The following EFNA5 variants were observed in gnomAD, a reference collection of about 807,000 sequenced individuals.
EFNA5 encodes the protein ephrin-A5.
A neutral mutation model predicts 22.9 loss-of-function variants in EFNA5; 5 were observed. That is an observed-to-expected ratio of 0.22 (90% confidence interval 0.11 to 0.46). EFNA5 has a LOEUF of 0.46. Among genes scored for constraint, EFNA5 ranks in the 20% least tolerant of loss-of-function variants. EFNA5 has a pLI of 0.99. For missense variants in EFNA5, 237 were observed against 293.3 expected (o/e 0.81, Z 1.40); for synonymous variants, 113 against 112.2 (o/e 1.01, Z -0.04).
chr5:107,509,272 A>C (rs1747314542), intron 1 of EFNA5, among the ~76,000 whole-genome samples: 1 of 151,986 alleles, frequency 6.6e-6, no homozygotes, highest in African/African-American at 2.4e-5. Flanking sequence ...ATCTGAAAGA[A>C]CCAACACAAA....
intron 1 of EFNA5, among the ~76,000 whole-genome samples, chr5:107,525,483 A>G (rs1402374591): frequency 2.0e-5 from 3 of 152,192 alleles, no homozygotes; most frequent in African/African-American, 7.2e-5. Context: ...TTAAACCTTA[A>G]ATACTAATAG....
At chr5:107,432,969 C>T (rs959749906) in intron 1 of EFNA5, among the ~76,000 whole-genome samples, 3 of 152,112 alleles carry the variant, frequency 2.0e-5, no homozygotes, top group African/African-American at 7.2e-5. Flanking sequence ...ATTTTCTCTT[C>T]CTTATGATTT....
intron 1 of EFNA5, among the ~76,000 whole-genome samples, chr5:107,648,729 T>C (rs985699251): frequency 3.9e-5 from 6 of 152,136 alleles, no homozygotes; most frequent in African/African-American, 1.4e-4. Flanking sequence ...TATTACTGAC[T>C]AATTGTAACT....
In EFNA5 at chr5:107,399,318, CGG is replaced by C. The variant is rs1748020339; in HGVS notation, c.419-11549_419-11548del. On this transcript the variant is annotated intron_variant, in intron 2 of 4. Transcript: ENST00000333274. ...AGAAGGAAGGAAGGAAGGAAGGAAA[CGG>C]AAAGGAAAGGAAAGGAAAGGAAAGG... Among the ~76,000 whole-genome samples, 8 of 94,640 alleles carry C rather than the reference CGG, an allele frequency of 8.5e-5. No homozygotes were observed. In the East Asian group the frequency reaches 1.6e-3, roughly 19 times the overall value. The allele number at this position is 94,640 out of a possible 152,430, so 62.1% of individuals were successfully genotyped here. A position where few individuals can be genotyped will look rare whatever the true frequency, so the allele number is the denominator to read the frequency against.
chr5:107,605,779 C>T (rs1426360555), intron 1 of EFNA5, among the ~76,000 whole-genome samples: 1 of 152,172 alleles, frequency 6.6e-6, no homozygotes, highest in Non-Finnish European at 1.5e-5. Context: ...TCCCTGCCTG[C>T]CCCAACCTCT....
intron 1 of EFNA5, among the ~76,000 whole-genome samples, chr5:107,597,359 G>C (rs1435400939): frequency 6.6e-6 from 1 of 152,088 alleles, no homozygotes. Flanking sequence ...TCCAATGTAA[G>C]CTTCCACTCA....
chr5:107,389,479 T>C (rs1447042648), intron 2 of EFNA5, among the ~76,000 whole-genome samples: 1 of 152,242 alleles, frequency 6.6e-6, no homozygotes. Context: ...GTTCAATGAA[T>C]TTCTGAGCTG....
chr5:107,575,766 G>A (rs1228181389), intron 1 of EFNA5, among the ~76,000 whole-genome samples: 1 of 152,106 alleles, frequency 6.6e-6, no homozygotes, highest in South Asian at 2.1e-4. Flanking sequence ...AAGGTATCAG[G>A]GAGAAAGAGA....
intron 1 of EFNA5, among the ~76,000 whole-genome samples, chr5:107,549,780 G>C (rs1016855473): frequency 2.0e-5 from 3 of 152,258 alleles, no homozygotes; most frequent in Non-Finnish European, 4.4e-5. Flanking sequence ...CCTGGGATCA[G>C]GCATTGCTGC....
chr5:107,440,624 T>C (rs1252545951), intron 1 of EFNA5, among the ~76,000 whole-genome samples: 1 of 152,170 alleles, frequency 6.6e-6, no homozygotes, highest in Non-Finnish European at 1.5e-5. Context: ...ACAACTTACT[T>C]TCTTCAGTAC....
chr5:107,588,250 C>T (rs1461761751), intron 1 of EFNA5, among the ~76,000 whole-genome samples: 1 of 151,648 alleles, frequency 6.6e-6, no homozygotes, highest in African/African-American at 2.4e-5. Context: ...AAAAAAGCAA[C>T]AGAGATAGAC....
intron 1 of EFNA5, among the ~76,000 whole-genome samples, chr5:107,629,946 C>T (rs1580569369): frequency 6.6e-6 from 1 of 151,914 alleles, no homozygotes; most frequent in Non-Finnish European, 1.5e-5. Flanking sequence ...ATCCCCGCTA[C>T]CAGGGAGGCT....
At chr5:107,629,055 G>C (rs1252407603) in intron 1 of EFNA5, among the ~76,000 whole-genome samples, 1 of 152,016 alleles carries the variant, frequency 6.6e-6, no homozygotes, top group Non-Finnish European at 1.5e-5. Context: ...AGGAAAGAAT[G>C]TTCAAAGGCA....
At chr5:107,440,401 G>T (rs1474511580) in intron 1 of EFNA5, among the ~76,000 whole-genome samples, 1 of 152,122 alleles carries the variant, frequency 6.6e-6, no homozygotes, top group Non-Finnish European at 1.5e-5. Context: ...CCTTGGAAAA[G>T]AACTATAGTT....
chr5:107,670,458 A>G (rs1751169326), intron 1 of EFNA5, 31 bp downstream of exon 1: 11 of 1,541,732 alleles, frequency 7.1e-6, no homozygotes, highest in Non-Finnish European at 8.8e-6. Flanking sequence ...AGGCCCGGGT[A>G]GCCCTGGCTC....
At chr5:107,412,188 G>A (rs1196705212) in intron 2 of EFNA5, among the ~76,000 whole-genome samples, 1 of 152,188 alleles carries the variant, frequency 6.6e-6, no homozygotes, top group East Asian at 1.9e-4. Context: ...ACCTGTTTCT[G>A]ATGGTAGAAA....
intron 1 of EFNA5, among the ~76,000 whole-genome samples, chr5:107,634,124 G>C (rs978463334): frequency 6.6e-6 from 1 of 152,170 alleles, no homozygotes; most frequent in African/African-American, 2.4e-5. Flanking sequence ...ATACAGTAGA[G>C]GTGACCGGTC....
At chr5:107,452,230 G>A (rs1294123044) in intron 1 of EFNA5, among the ~76,000 whole-genome samples, 3 of 152,014 alleles carry the variant, frequency 2.0e-5, no homozygotes, top group Admixed American at 2.0e-4. Context: ...GGGGGTGAGG[G>A]GAGGGAACTT....
At chr5:107,507,372 C>T (rs940209660) in intron 1 of EFNA5, among the ~76,000 whole-genome samples, 9 of 152,092 alleles carry the variant, frequency 5.9e-5, no homozygotes, top group African/African-American at 2.2e-4. Flanking sequence ...AAAAATAATT[C>T]TGGTATATTT....
Sources: allele counts gnomAD v4.1 joint callset (sites outside exome capture counted in the v4.1 genomes callset), GRCh38; gene constraint gnomAD v4.1.1; transcripts MANE v1.5; gene names NCBI Gene and HGNC (gene_info 2026-07-23, HGNC 2026-07-21).